The following ZNF800 variants were observed in gnomAD, a reference collection of about 807,000 sequenced individuals.
ZNF800 encodes the protein zinc finger protein 800.
Under a neutral mutation model 59.5 loss-of-function variants are expected in ZNF800, and 13 were observed. The observed-to-expected ratio is 0.22, with a 90% CI of 0.14 to 0.35. ZNF800 has a LOEUF of 0.35. Ranked by LOEUF, ZNF800 falls within the 10% of genes least tolerant of loss-of-function variation. ZNF800 has a pLI of 1.00. For synonymous variants in ZNF800, 266 were observed against 265.7 expected (o/e 1.00, Z -0.01); for missense variants, 621 against 783.7 (o/e 0.79, Z 2.48).
chr7:127,380,721 C>G (rs1172131933), intron 3 of ZNF800, among the ~76,000 whole-genome samples: 1 of 152,188 alleles, frequency 6.6e-6, no homozygotes, highest in Admixed American at 6.5e-5. Context: ...CTCCACAGCT[C>G]TTGATGCTGA....
At chr7:127,345,348 A>G (rs1266808706), downstream of ZNF800, among the ~76,000 whole-genome samples, 2 of 151,392 alleles carry the variant, frequency 1.3e-5, no homozygotes, top group East Asian at 3.9e-4. Context: ...GTTGAGATAC[A>G]GGATTAGAGT....
downstream of ZNF800, among the ~76,000 whole-genome samples, chr7:127,365,153 T>C (rs191389327): frequency 2.0e-5 from 3 of 152,258 alleles, no homozygotes. Context: ...CAATTATATA[T>C]GGGCTAATAC....
chr7:127,379,836 A>ACCCCCCCCCCCCCCCCCCCCCCCCCCCC (rs71179574), intron 3 of ZNF800, among the ~76,000 whole-genome samples: 4 of 27,636 alleles, frequency 1.4e-4, no homozygotes, highest in African/African-American at 1.5e-4. Flanking sequence ...TACCCTTGCC[A>ACCCCCCCCCCCCCCCCCCCCCCCCCCCC]CCCCCCCACC....
intron 3 of ZNF800, among the ~76,000 whole-genome samples, chr7:127,378,944 A>G (rs1225596870): frequency 6.6e-6 from 1 of 152,162 alleles, no homozygotes; most frequent in Admixed American, 6.6e-5. Context: ...TAAGTTGAAG[A>G]ATTATTAAAG....
chr7:127,345,303 C>CA (rs1037928725), downstream of ZNF800, among the ~76,000 whole-genome samples: 2 of 151,614 alleles, frequency 1.3e-5, no homozygotes, highest in Non-Finnish European at 2.9e-5. Flanking sequence ...AGACCCCCCC[C>CA]CCAAAGGTAA....
downstream of ZNF800, among the ~76,000 whole-genome samples, chr7:127,367,980 T>A (rs1426434086): frequency 6.6e-6 from 1 of 152,092 alleles, no homozygotes; most frequent in Non-Finnish European, 1.5e-5. Flanking sequence ...TGAAAATATG[T>A]AGAGGAAGAG....
chr7:127,357,275 G>T (rs1295254896), intron 1 of ZNF800, among the ~76,000 whole-genome samples: 1 of 151,926 alleles, frequency 6.6e-6, no homozygotes, highest in Non-Finnish European at 1.5e-5. Context: ...AACCAATGAG[G>T]GCCACAGGAT....
At chr7:127,378,403 C>G (rs558169256) in intron 3 of ZNF800, among the ~76,000 whole-genome samples, 3 of 152,196 alleles carry the variant, frequency 2.0e-5, no homozygotes, top group African/African-American at 4.8e-5. Flanking sequence ...TGTACCTTTA[C>G]TTTCCTCAAA....
intron 1 of ZNF800, among the ~76,000 whole-genome samples, chr7:127,359,494 T>C (rs1318978325): frequency 1.3e-5 from 2 of 152,138 alleles, no homozygotes; most frequent in African/African-American, 4.8e-5. Context: ...ATTAAAGTTA[T>C]TTTTAAAATA....
intron 3 of ZNF800, among the ~76,000 whole-genome samples, chr7:127,380,834 T>C (rs980246292): frequency 5.9e-5 from 9 of 152,218 alleles, no homozygotes; most frequent in African/African-American, 1.9e-4. Context: ...ACTGCTTACA[T>C]AGATCAGTAC....
intron 3 of ZNF800, among the ~76,000 whole-genome samples, chr7:127,384,484 T>G (rs926130922): frequency 1.6e-4 from 25 of 151,924 alleles, no homozygotes; most frequent in African/African-American, 4.6e-4. Context: ...TCTGCCCGCC[T>G]CGGCCTCCCA....
chr7:127,391,575 TA>T lies in ZNF800; in HGVS notation c.-19del. 6.2e-7 allele frequency: 1 copy of T among 1,613,344 alleles called. No individual in the cohort carries two copies. The highest frequency in any genetic ancestry group is 8.5e-7 in the Non-Finnish European group (1 of 1,179,248). Reference sequence around the variant, plus strand: ...AAAGGCATTTTCAGTGGACTCGACCTACTTTGCTTTCACTGTAAGAAGCTCT... The same window carrying T: ...AAAGGCATTTTCAGTGGACTCGACCTCTTTGCTTTCACTGTAAGAAGCTCT... On this transcript the variant is annotated 5_prime_UTR_variant, in exon 2 of 6. Coordinates refer to ENST00000265827, the MANE Select transcript of ZNF800 (RefSeq NM_176814.5).
intron 3 of ZNF800, among the ~76,000 whole-genome samples, chr7:127,381,396 T>C (rs1397292170): frequency 1.3e-5 from 2 of 151,954 alleles, no homozygotes; most frequent in Non-Finnish European, 2.9e-5. Flanking sequence ...ACTTAAGAAA[T>C]TGAAAGTTCT....
downstream of ZNF800, among the ~76,000 whole-genome samples, chr7:127,343,782 C>T (rs1013062081): frequency 1.3e-5 from 2 of 151,878 alleles, no homozygotes; most frequent in Non-Finnish European, 2.9e-5. Flanking sequence ...GAAAAACCAC[C>T]ATTATTTAAC....
rs773976868 is a variant in ZNF800 at position 127,374,032 on chromosome 7, T to C, written c.1304A>G (p.Asn435Ser). The C allele has an allele frequency of 2.0e-5, 32 of 1,613,944 alleles. No individual in the cohort carries two copies. Among genetic ancestry groups the C allele is most frequent in the South Asian group, 9.9e-5 (9 of 91,086 alleles). Residue 435 changes from asparagine (N) to serine (S), a missense_variant, in exon 5 of 6, where the codon AAT becomes AGT. By Grantham distance (46) the Asn-to-Ser change is conservative. This residue lies in a region of ZNF800 where 185 missense variants were observed against 177.6 expected (regional missense o/e 1.04). Coordinates refer to ENST00000265827, the MANE Select transcript of ZNF800 (RefSeq NM_176814.5). ...HSPQNELKGT[N>S]HSNEKKNTPA... Reference sequence around the variant, plus strand: ...TGTGTTCTTTTTTTCATTTGAATGATTTGTTCCCTTTAATTCATTCTGTGG... The same window carrying C: ...TGTGTTCTTTTTTTCATTTGAATGACTTGTTCCCTTTAATTCATTCTGTGG...
At chr7:127,343,695 C>A (rs897120064), downstream of ZNF800, among the ~76,000 whole-genome samples, 1 of 151,824 alleles carries the variant, frequency 6.6e-6, no homozygotes, top group African/African-American at 2.4e-5. Flanking sequence ...ACAACCCAAT[C>A]TTATTCATAA....
chr7:127,353,547 A>G (rs1397185868), intron 1 of ZNF800, among the ~76,000 whole-genome samples: 1 of 152,202 alleles, frequency 6.6e-6, no homozygotes, highest in African/African-American at 2.4e-5. Context: ...TTTCCAATCA[A>G]CAATGGTTGG....
downstream of ZNF800, among the ~76,000 whole-genome samples, chr7:127,343,362 A>C (rs1800002166): frequency 6.6e-6 from 1 of 151,754 alleles, no homozygotes; most frequent in Admixed American, 6.6e-5. Context: ...AATGAGAAAG[A>C]AGCAATAACC....
chr7:127,370,375 G>C lies in ZNF800; in HGVS notation c.*1439C>G, dbSNP rs1800603869. On this transcript the variant is annotated 3_prime_UTR_variant, in exon 6 of 6. Coordinates refer to ENST00000265827, the MANE Select transcript of ZNF800 (RefSeq NM_176814.5). ...TTTAGCTGAAATAACTTCGATTCTG[G>C]TTTATTTCCATCACATATAGTACAT... The C allele has an allele frequency of 6.6e-6, 1 of 152,494 alleles. No individual in the cohort carries two copies. Among genetic ancestry groups the C allele is most frequent in the Non-Finnish European group, 1.5e-5 (1 of 67,950 alleles). The allele number at this position is 152,494 out of a possible 1,614,324, so 9.4% of individuals were successfully genotyped here. A position where few individuals can be genotyped will look rare whatever the true frequency, so the allele number is the denominator to read the frequency against.
Sources: gnomAD v4.1 joint callset for allele counts (sites outside exome capture counted in the v4.1 genomes callset) on GRCh38, gnomAD v4.1.1 for gene constraint, gnomAD v4.1.1 regional missense constraint, MANE v1.5 for transcripts, NCBI Gene and HGNC (gene_info 2026-07-23, HGNC 2026-07-21) for gene names.